Variants in PGLYRP4 observed in about 807,000 individuals in gnomAD.
PGLYRP4 encodes peptidoglycan recognition protein 4, also known as PGRP-I-beta.
Under a neutral mutation model 41.2 loss-of-function variants are expected in PGLYRP4, and 39 were observed. The observed-to-expected ratio is 0.95, with a 90% confidence interval of 0.73 to 1.24. PGLYRP4 has a LOEUF of 1.24. PGLYRP4 is among the 50% of genes most tolerant of loss of function. PGLYRP4 has a pLI of 0.00. For missense variants in PGLYRP4, 467 were observed against 460.7 expected, an observed-to-expected ratio of 1.01 and a Z score of -0.13; for synonymous variants, 202 against 186.8, an observed-to-expected ratio of 1.08 and a Z score of -0.66.
chr1:153,346,549 G>A (rs1489917167), intron 2 of PGLYRP4, among the ~76,000 whole-genome samples: 16 of 151,908 alleles, frequency 1.1e-4, no homozygotes, highest in African/African-American at 2.4e-4. Context: ...GCATTTTACC[G>A]AAGCAATGGG....
chr1:153,341,677 C>A lies in PGLYRP4; in HGVS notation c.575G>T (p.Gly192Val), dbSNP rs3006448. The change falls in exon 6 of 9, where the codon GGG becomes GTG. Residue 192 changes from glycine (G) to valine (V), a missense_variant. By Grantham distance (109) the Gly-to-Val change is moderately radical. Transcript: ENST00000359650. ...AGGGGCCAGGCAGTTCTCGCCTTTC[C>A]CAAGAAGTGGCTGAACATAACTGGA... is the stretch of plus-strand genomic sequence containing the variant. ...LSSSYVQPLL[G>V]KGENCLAPRQ... The A allele has an allele frequency of 0.85, 1,372,471 of 1,613,522 alleles. 584,299 individuals carry two copies. The highest frequency in any genetic ancestry group is 0.89 in the East Asian group (39,814 of 44,868).
rs117444436 is a variant in PGLYRP4, at chr1:153,342,395, G to A, written c.473-616C>T. ...TCTAGCTGTGTCACTTGGGGTCATC[G>A]ACCTCTCTGAAACCCAGACTGCACC... On this transcript the variant is annotated intron_variant, in intron 5 of 8. Transcript: ENST00000359650. Among the ~76,000 whole-genome samples, 421 of 152,252 alleles carry A rather than the reference G, an allele frequency of 2.8e-3. 14 individuals carry two copies. In the East Asian group the frequency reaches 0.065, roughly 23 times the overall value.
rs117113704 is a variant in PGLYRP4 at position 153,344,583 on chromosome 1, T to C, written c.353+586A>G. Among the ~76,000 whole-genome samples the C allele has an allele frequency of 2.5e-3, 386 of 152,314 alleles. 11 individuals are homozygous for C. The East Asian group carries it at 0.058, about 23-fold the overall frequency. ...GGAAGCCATCACTGCACTCAGGAACTGTCCACAGCTAGCCAAAGTCAGAGG... is the reference window on the plus strand; with the variant it reads ...GGAAGCCATCACTGCACTCAGGAACCGTCCACAGCTAGCCAAAGTCAGAGG... On this transcript the variant is annotated intron_variant, in intron 4 of 8. Transcript: ENST00000359650.
Position 153,337,250 on chromosome 1 carries a change from C to A in PGLYRP4, c.874G>T (p.Val292Phe). 6.2e-7 allele frequency: 1 copy of A among 1,613,654 alleles called. No individual in the cohort carries two copies. The highest frequency in any genetic ancestry group is 2.2e-5 in the East Asian group (1 of 44,874). The change falls in exon 8 of 9, where the codon GTC (valine) becomes TTC (phenylalanine). Residue 292 changes from valine to phenylalanine, a missense_variant. Val to Phe is a conservative substitution (Grantham distance 50, BLOSUM62 -1). Coordinates refer to ENST00000359650, the MANE Select transcript of PGLYRP4 (RefSeq NM_020393.4). ...TAGCCAGGGGTGGAGGAGCCTTGGA[C>A]ATTCCAGCCCACCCCTTCATAAATG... ...GAIYEGVGWN[V>F]QGSSTPGYDD... is the part of the protein sequence containing the mutation.
chr1:153,330,758 G>A lies in PGLYRP4; in HGVS notation c.*9C>T, dbSNP rs1660302046. 2 of 1,610,528 alleles carry A rather than the reference G, an allele frequency of 1.2e-6. No individual in the cohort carries two copies. The highest frequency in any genetic ancestry group is 2.7e-5 in the African/African-American group (2 of 74,782). On this transcript the variant is annotated 3_prime_UTR_variant, in exon 9 of 9. Coordinates refer to ENST00000359650, the MANE Select transcript of PGLYRP4 (RefSeq NM_020393.4). ...GGGAAAGCAGTCTCAGAAGGACCTG[G>A]GGCTTCTCTCAGTGTTTGAAATGAG...
chr1:153,338,915 G>C (rs1660681620), intron 7 of PGLYRP4, among the ~76,000 whole-genome samples: 1 of 152,154 alleles, frequency 6.6e-6, no homozygotes, highest in Non-Finnish European at 1.5e-5. Flanking sequence ...TAAAGCATTG[G>C]CTCCATGCAG....
At chr1:153,337,494 G>T (rs1336613452) in intron 7 of PGLYRP4, among the ~76,000 whole-genome samples, 195 bp from the exon 8 acceptor site, 1 of 152,250 alleles carries the variant, frequency 6.6e-6, no homozygotes, top group Admixed American at 6.5e-5. Context: ...GAATGAGGGA[G>T]GCAGGGTAGG....
At chr1:153,337,114 T>A (rs1660598848) in intron 8 of PGLYRP4, 67 bp downstream of exon 8, 1 of 1,138,900 alleles carries the variant, frequency 8.8e-7, no homozygotes, top group South Asian at 1.2e-5. Context: ...TGAGACTTTG[T>A]CTTCCATGTC....
At chr1:153,337,993 A>G (rs1226355315) in intron 7 of PGLYRP4, among the ~76,000 whole-genome samples, 1 of 152,100 alleles carries the variant, frequency 6.6e-6, no homozygotes, top group Admixed American at 6.5e-5. Flanking sequence ...GAGGTTCCTC[A>G]GGATGCTATC....
chr1:153,332,856 A>G (rs1009726390), intron 8 of PGLYRP4, among the ~76,000 whole-genome samples: 2 of 152,190 alleles, frequency 1.3e-5, no homozygotes, highest in African/African-American at 4.8e-5. Context: ...ACAACATACC[A>G]AAGCCTCTGG....
At chr1:153,345,114 C>A in intron 4 of PGLYRP4, 55 bp downstream of exon 4, 1 of 1,339,268 alleles carries the variant, frequency 7.5e-7, no homozygotes, top group Non-Finnish European at 1.1e-6. Context: ...ACAGGAGAAG[C>A]ATCCCAGGGA....
In PGLYRP4 at chr1:153,346,196, A is replaced by C. The variant is rs1433242854; in HGVS notation, c.50-5T>G. ...TTTTGTTCCAGGAGGAATCACCTGC[A>C]AAGGAATATCCCATTTTGCATCAGA... is the stretch of plus-strand genomic sequence containing the variant. On this transcript the variant is annotated splice_polypyrimidine_tract_variant and splice_region_variant and intron_variant, in intron 2 of 8. Coordinates refer to ENST00000359650, the MANE Select transcript of PGLYRP4 (RefSeq NM_020393.4). The C allele has an allele frequency of 6.2e-7, 1 of 1,610,730 alleles. No individual in the cohort carries two copies. Among genetic ancestry groups the C allele is most frequent in the Non-Finnish European group, 8.5e-7 (1 of 1,176,886 alleles).
At chr1:153,340,989 C>A (rs1660778184) in intron 6 of PGLYRP4, among the ~76,000 whole-genome samples, 1 of 152,178 alleles carries the variant, frequency 6.6e-6, no homozygotes, top group African/African-American at 2.4e-5. Flanking sequence ...TTGTTAAACC[C>A]AAAATGGTAT....
intron 4 of PGLYRP4, chr1:153,344,908 G>T (rs964947005): frequency 2.2e-6 from 1 of 444,486 alleles, no homozygotes; most frequent in Non-Finnish European, 4.2e-6. Context: ...AGTGTGCTGT[G>T]CAAGCCAGGG....
chr1:153,345,847 G>A (rs1191082152), intron 3 of PGLYRP4, among the ~76,000 whole-genome samples: 1 of 152,146 alleles, frequency 6.6e-6, no homozygotes, highest in Non-Finnish European at 1.5e-5. Context: ...CAAGGTTTGG[G>A]TCTCCCTCCA....
At chr1:153,339,842 T>A (rs919726275) in intron 7 of PGLYRP4, among the ~76,000 whole-genome samples, 3 of 152,188 alleles carry the variant, frequency 2.0e-5, no homozygotes, top group Admixed American at 2.0e-4. Flanking sequence ...TCACAGACCT[T>A]AGCATTAGAG....
At chr1:153,336,673 T>C (rs1411280251) in intron 8 of PGLYRP4, among the ~76,000 whole-genome samples, 1 of 152,168 alleles carries the variant, frequency 6.6e-6, no homozygotes, top group Non-Finnish European at 1.5e-5. Flanking sequence ...AAGCCCAGAC[T>C]TCACCACTGT....
chr1:153,334,726 G>C (rs1254101878), intron 8 of PGLYRP4, among the ~76,000 whole-genome samples: 1 of 151,858 alleles, frequency 6.6e-6, no homozygotes, highest in Non-Finnish European at 1.5e-5. Flanking sequence ...ATGGAACTAA[G>C]AAAGAACCCA....
At chr1:153,340,606 G>A in intron 6 of PGLYRP4, 27 bp from the exon 7 acceptor site, 1 of 1,607,038 alleles carries the variant, frequency 6.2e-7, no homozygotes, top group Non-Finnish European at 8.5e-7. Context: ...AACCACAGAG[G>A]GTTCATCTTC....
Sources: allele counts gnomAD v4.1 joint callset (sites outside exome capture counted in the v4.1 genomes callset), GRCh38; gene constraint gnomAD v4.1.1; transcripts MANE v1.5; gene names NCBI Gene and HGNC (gene_info 2026-07-23, HGNC 2026-07-21).